The following ATP8A1 variants were observed in gnomAD, a reference collection of about 807,000 sequenced individuals.
ATP8A1 encodes phospholipid-transporting ATPase IA.
In ATP8A1, 90 loss-of-function variants were observed where a neutral mutation model predicts 177.7. The observed-to-expected ratio is 0.51, with a 90% CI of 0.43 to 0.60. The LOEUF is 0.60. ATP8A1 is among the 20% of genes least tolerant of loss of function. The pLI is 0.00. For synonymous variants in ATP8A1, 493 were observed against 485.9 expected, an observed-to-expected ratio of 1.01 and a Z score of -0.19; for missense variants, 1,072 against 1,392.8, an observed-to-expected ratio of 0.77 and a Z score of 3.67.
chr4:42,607,742 G>A (rs145884406), intron 5 of ATP8A1, among the ~76,000 whole-genome samples: 144 of 152,010 alleles, frequency 9.5e-4, no homozygotes, highest in Non-Finnish European at 1.6e-3. Flanking sequence ...CAAGAAACCA[G>A]TCACAATGTA....
chr4:42,597,413 CATAGT>C (rs1734825146), intron 6 of ATP8A1, among the ~76,000 whole-genome samples: 1 of 152,188 alleles, frequency 6.6e-6, no homozygotes, highest in African/African-American at 2.4e-5. Context: ...TTTCAGTGTA[CATAGT>C]ACTATTTTTT....
intron 5 of ATP8A1, among the ~76,000 whole-genome samples, chr4:42,609,317 A>G (rs1736138388): frequency 6.6e-6 from 1 of 152,140 alleles, no homozygotes; most frequent in African/African-American, 2.4e-5. Flanking sequence ...TCTGATGCCA[A>G]ATTTGAGAAC....
At chr4:42,529,440 C>T (rs927219737) in intron 20 of ATP8A1, among the ~76,000 whole-genome samples, 6 of 152,206 alleles carry the variant, frequency 3.9e-5, no homozygotes, top group Admixed American at 2.6e-4. Flanking sequence ...TGGGTACTTT[C>T]TGACCCATCT....
intron 5 of ATP8A1, among the ~76,000 whole-genome samples, chr4:42,602,859 T>TAAGAGAGATGGTAACA (rs1219500547): frequency 1.3e-5 from 2 of 152,010 alleles, no homozygotes; most frequent in African/African-American, 2.4e-5. Context: ...TACAATATAA[T>TAAGAGAGATGGTAACA]AAGAGAGATG....
chr4:42,602,206 T>G (rs887062291), intron 5 of ATP8A1, among the ~76,000 whole-genome samples: 7 of 152,196 alleles, frequency 4.6e-5, no homozygotes, highest in Non-Finnish European at 7.3e-5. Flanking sequence ...ATTTTTACAG[T>G]GCTTAAACAG....
rs2109487854 is a variant in ATP8A1 at position 42,625,640 on chromosome 4, A to G, written c.238T>C (p.Phe80Leu). 6.2e-7 allele frequency: 1 copy of G among 1,607,312 alleles called. No individual in the cohort carries two copies. The highest frequency in any genetic ancestry group is 2.2e-5 in the East Asian group (1 of 44,704). Residue 80 changes from phenylalanine (F) to leucine (L), a missense_variant, in exon 3 of 37, where the codon TTT becomes CTT. Physicochemically the swap from Phe to Leu is conservative, Grantham distance 22. Coordinates refer to ENST00000381668, the MANE Select transcript of ATP8A1 (RefSeq NM_006095.2). ...TGCAGCAGTGCAATAAAGAGAAAAA[A>G]TGAATTAGCAGCTCTTCTGAACTGA... ...YSQFRRAANS[F>L]FLFIALLQQI... is the part of the protein sequence containing the mutation.
At chr4:42,649,905 T>A (rs113573102) in intron 1 of ATP8A1, among the ~76,000 whole-genome samples, 7 of 152,194 alleles carry the variant, frequency 4.6e-5, no homozygotes, top group African/African-American at 1.7e-4. Flanking sequence ...AATATATCAG[T>A]GGACAAACCA....
intron 33 of ATP8A1, among the ~76,000 whole-genome samples, chr4:42,428,098 T>TA (rs1714833405): frequency 6.6e-6 from 1 of 152,252 alleles, no homozygotes; most frequent in Admixed American, 6.5e-5. Context: ...ACTGATAGTT[T>TA]AGAAGAGTCC....
intron 29 of ATP8A1, 131 bp downstream of exon 29, chr4:42,455,166 T>C: frequency 8.8e-7 from 1 of 1,142,608 alleles, no homozygotes; most frequent in African/African-American, 1.6e-5. Flanking sequence ...AAATATGACT[T>C]GCCATAGTCG....
At chr4:42,435,445 AAAAAC>A (rs1560320415) in intron 33 of ATP8A1, among the ~76,000 whole-genome samples, 15 of 56,004 alleles carry the variant, frequency 2.7e-4, no homozygotes, top group African/African-American at 3.2e-4. Flanking sequence ...AAAAAAAAAA[AAAAAC>A]AAAAAAAAAA....
chr4:42,507,175 A>T (rs1367335924), intron 22 of ATP8A1, 21 bp from the exon 23 acceptor site: 1 of 1,610,500 alleles, frequency 6.2e-7, no homozygotes, highest in African/African-American at 1.3e-5. Context: ...TTAGTGGTAG[A>T]AATGTTTTAA....
At chr4:42,485,761 AT>A in intron 24 of ATP8A1, 93 bp from the exon 25 acceptor site, 1 of 1,049,642 alleles carries the variant, frequency 9.5e-7, no homozygotes, top group Non-Finnish European at 1.4e-6. Flanking sequence ...ACATTTAGTT[AT>A]TTTTAGTGCT....
chr4:42,507,000 G>A lies in ATP8A1; in HGVS notation c.2086+16C>T, dbSNP rs368285728. The A allele has an allele frequency of 2.0e-5, 32 of 1,611,644 alleles. 2 individuals carry two copies. The South Asian group carries it at 3.0e-4, about 15-fold the overall frequency. On this transcript the variant is annotated intron_variant, in intron 23 of 36. Coordinates refer to ENST00000381668, the MANE Select transcript of ATP8A1 (RefSeq NM_006095.2). ...TAAAAAGCACCAACATGTAAAATGTGAACTAGGTGAATTACCGATGTTAAT... is the reference window on the plus strand; with the variant it reads ...TAAAAAGCACCAACATGTAAAATGTAAACTAGGTGAATTACCGATGTTAAT...
rs762233376 is a variant in ATP8A1, at chr4:42,549,001, C to CATTTTTACTGAGTAAAAACACTG, written c.1652+11_1652+12insCAGTGTTTTTACTCAGTAAAAAT. The CATTTTTACTGAGTAAAAACACTG allele has an allele frequency of 1.3e-6, 2 of 1,599,664 alleles. No homozygotes were observed. Among genetic ancestry groups the CATTTTTACTGAGTAAAAACACTG allele is most frequent in the Admixed American group, 3.4e-5 (2 of 58,730 alleles). The stretch of plus-strand genomic sequence containing the variant: ...TATCTTATCCATACAAATCACTGAG[C>CATTTTTACTGAGTAAAAACACTG]AGATGTTTTACCTGGTAAACTCCAA... On this transcript the variant is annotated intron_variant, in intron 19 of 36. Transcript: ENST00000381668.
intron 1 of ATP8A1, among the ~76,000 whole-genome samples, chr4:42,636,395 G>C (rs1190395877): frequency 1.8e-5 from 2 of 110,624 alleles, no homozygotes; most frequent in Non-Finnish European, 4.3e-5. Flanking sequence ...GCTGTTCAGA[G>C]ACGGGTAGGG....
intron 12 of ATP8A1, among the ~76,000 whole-genome samples, chr4:42,577,594 G>A (rs35144554): frequency 3.0e-4 from 46 of 151,962 alleles, no homozygotes; most frequent in Non-Finnish European, 5.6e-4. Flanking sequence ...ATTTAATTTA[G>A]ATAAATTCAT....
intron 24 of ATP8A1, among the ~76,000 whole-genome samples, chr4:42,493,478 TTA>T (rs979377404): frequency 5.3e-5 from 8 of 152,346 alleles, no homozygotes; most frequent in Admixed American, 5.2e-4. Flanking sequence ...CTACGTGAGC[TTA>T]GAGTTCTACA....
At chr4:42,413,518 G>A (rs756829144) in intron 36 of ATP8A1, among the ~76,000 whole-genome samples, 4 of 152,076 alleles carry the variant, frequency 2.6e-5, no homozygotes, top group Non-Finnish European at 5.9e-5. Flanking sequence ...CAAAATCCAC[G>A]GATGCTTAAA....
intron 15 of ATP8A1, chr4:42,561,364 G>T (rs10938197): frequency 0.56 from 85,495 of 152,096 alleles, 24,822 homozygotes; most frequent in East Asian, 0.92. Flanking sequence ...CACTGAGGTG[G>T]ACATGCCAAT....
Sources: allele counts gnomAD v4.1 joint callset (sites outside exome capture counted in the v4.1 genomes callset), GRCh38; gene constraint gnomAD v4.1.1; transcripts MANE v1.5; gene names NCBI Gene and HGNC (gene_info 2026-07-23, HGNC 2026-07-21).